The following KCNH1 variants were observed in gnomAD, a reference collection of about 807,000 sequenced individuals.
KCNH1 encodes potassium voltage-gated channel subfamily H member 1, also known as voltage-gated delayed rectifier potassium channel KCNH1.
In KCNH1, 27 loss-of-function variants were observed where a neutral mutation model predicts 69.2. The observed-to-expected ratio is 0.39, with a 90% CI of 0.29 to 0.54. The LOEUF (loss-of-function observed/expected upper bound fraction) is 0.54, where lower values mean the gene tolerates loss of function less well. Among genes scored for constraint, KCNH1 ranks in the 20% least tolerant of loss-of-function variants. The probability of loss-of-function intolerance (pLI) is 0.68; values close to 1 mark genes in which losing one functional copy is unlikely to be tolerated. For synonymous variants in KCNH1, 456 were observed against 487.7 expected (o/e 0.93, Z 0.86); for missense variants, 798 against 1,261.6 (o/e 0.63, Z 5.57).
At chr1:210,756,593 G>A (rs1162004902) in intron 10 of KCNH1, among the ~76,000 whole-genome samples, 1 of 152,154 alleles carries the variant, frequency 6.6e-6, no homozygotes, top group Non-Finnish European at 1.5e-5. Flanking sequence ...AGGCAGCTCA[G>A]GGACAGTCAG....
In KCNH1 at chr1:210,794,656, A is replaced by C. The variant is rs372078752; in HGVS notation, c.1915+2852T>G. On this transcript the variant is annotated intron_variant, in intron 9 of 10. Transcript: ENST00000271751. ...CTCTATGCCTAAGTCTAGGTGTTCA[A>C]ACCAACTCCTAGTAATGCAGCTGTG... Among the ~76,000 whole-genome samples, 5 of 152,154 alleles carry C rather than the reference A, an allele frequency of 3.3e-5. No individual in the cohort carries two copies. In the East Asian group the frequency reaches 9.6e-4, roughly 29 times the overall value.
intron 6 of KCNH1, among the ~76,000 whole-genome samples, chr1:211,008,869 A>G (rs891326608): frequency 2.0e-5 from 3 of 152,252 alleles, no homozygotes; most frequent in Non-Finnish European, 4.4e-5. Context: ...GAGATTAGCT[A>G]TAACAAAGCC....
intron 7 of KCNH1, among the ~76,000 whole-genome samples, chr1:210,847,512 T>C (rs983280209): frequency 2.8e-5 from 4 of 143,424 alleles, no homozygotes; most frequent in African/African-American, 5.2e-5. Flanking sequence ...TTCTCACTCA[T>C]AGGTGGGAAC....
intron 7 of KCNH1, among the ~76,000 whole-genome samples, chr1:210,809,682 A>C (rs1684659036): frequency 6.6e-6 from 1 of 152,148 alleles, no homozygotes; most frequent in Admixed American, 6.5e-5. Context: ...CTCTGTAGTG[A>C]GTGGTCTCTT....
At chr1:210,733,967 AC>A (rs1682808417) in intron 10 of KCNH1, among the ~76,000 whole-genome samples, 4 of 151,562 alleles carry the variant, frequency 2.6e-5, no homozygotes, top group Non-Finnish European at 4.4e-5. Context: ...ACACACACAC[AC>A]ACACACACAC....
rs1275287252 is a variant in KCNH1 at position 211,124,412 on chromosome 1, G to C, written c.79+9455C>G. Among the ~76,000 whole-genome samples, 14 of 152,138 alleles carry C rather than the reference G, an allele frequency of 9.2e-5. 1 individual carries two copies. Among genetic ancestry groups the C allele is most frequent in the Admixed American group, 3.9e-4 (6 of 15,276 alleles). ...TATAATCCCAGCACTTTGGGAGGCCGAGGCGGGCAGATCACAAGATCAGGA... is the reference window on the plus strand; with the variant it reads ...TATAATCCCAGCACTTTGGGAGGCCCAGGCGGGCAGATCACAAGATCAGGA... On this transcript the variant is annotated intron_variant, in intron 1 of 10. Coordinates refer to ENST00000271751, the MANE Select transcript of KCNH1 (RefSeq NM_172362.3).
At chr1:210,971,150 A>T (rs1431951206) in intron 6 of KCNH1, among the ~76,000 whole-genome samples, 1 of 152,026 alleles carries the variant, frequency 6.6e-6, no homozygotes, top group Non-Finnish European at 1.5e-5. Flanking sequence ...ACGAGGTCTC[A>T]TTATATTTTC....
At chr1:210,777,728 C>A (rs908224004) in intron 9 of KCNH1, among the ~76,000 whole-genome samples, 7 of 152,200 alleles carry the variant, frequency 4.6e-5, no homozygotes, top group Admixed American at 1.3e-4. Flanking sequence ...AATATCCTTC[C>A]TCCAGCACAT....
intron 6 of KCNH1, among the ~76,000 whole-genome samples, chr1:211,008,715 A>T (rs1027372234): frequency 2.6e-5 from 4 of 152,228 alleles, no homozygotes; most frequent in Non-Finnish European, 4.4e-5. Context: ...GAGAAATCCG[A>T]TGTTTTGATC....
chr1:210,894,861 A>G (rs777132776), intron 7 of KCNH1, among the ~76,000 whole-genome samples: 1 of 152,140 alleles, frequency 6.6e-6, no homozygotes, highest in Non-Finnish European at 1.5e-5. Context: ...TTCTTTTTAA[A>G]TTATCCAGTC....
chr1:210,940,197 G>A (rs138981296), intron 6 of KCNH1, among the ~76,000 whole-genome samples: 2 of 152,172 alleles, frequency 1.3e-5, no homozygotes, highest in African/African-American at 4.8e-5. Context: ...ATTCAATTCG[G>A]CAATCATTTC....
intron 6 of KCNH1, among the ~76,000 whole-genome samples, chr1:210,947,044 A>T (rs1405442294): frequency 6.6e-6 from 1 of 152,180 alleles, no homozygotes; most frequent in Non-Finnish European, 1.5e-5. Flanking sequence ...TGCTGAGGGC[A>T]GGCACCCTGT....
intron 7 of KCNH1, among the ~76,000 whole-genome samples, chr1:210,915,077 A>G (rs954379229): frequency 6.6e-6 from 1 of 152,156 alleles, no homozygotes; most frequent in East Asian, 1.9e-4. Flanking sequence ...AGCTCCCCCA[A>G]ACAGGGTCAG....
intron 10 of KCNH1, among the ~76,000 whole-genome samples, chr1:210,694,869 G>A (rs1416412883): frequency 6.6e-6 from 1 of 152,152 alleles, no homozygotes; most frequent in Non-Finnish European, 1.5e-5. Context: ...TGAGATAGTT[G>A]GTCCACATTT....
At chr1:211,009,606 T>TTTTC (rs1491178554) in intron 6 of KCNH1, among the ~76,000 whole-genome samples, 1 of 17,312 alleles carries the variant, frequency 5.8e-5, no homozygotes, top group Non-Finnish European at 9.2e-5. Flanking sequence ...TTTTCTTTTC[T>TTTTC]TTTTTTTTTT....
chr1:210,867,959 A>G (rs548127733), intron 7 of KCNH1, among the ~76,000 whole-genome samples: 1 of 151,986 alleles, frequency 6.6e-6, no homozygotes, highest in East Asian at 1.9e-4. Flanking sequence ...CATTTTAGTT[A>G]TTATGAACAC....
At chr1:211,119,445 G>A (rs918076313) in intron 1 of KCNH1, among the ~76,000 whole-genome samples, 1 of 152,064 alleles carries the variant, frequency 6.6e-6, no homozygotes, top group Non-Finnish European at 1.5e-5. Flanking sequence ...TAATGATTGA[G>A]ATAAATGATG....
intron 7 of KCNH1, among the ~76,000 whole-genome samples, chr1:210,900,627 CCTTA>C (rs1314934328): frequency 6.6e-6 from 1 of 152,112 alleles, no homozygotes; most frequent in East Asian, 1.9e-4. Context: ...CAATTAGCCA[CCTTA>C]CTAATTCTGG....
intron 9 of KCNH1, among the ~76,000 whole-genome samples, chr1:210,790,042 C>T (rs1684183049): frequency 6.6e-6 from 1 of 152,230 alleles, no homozygotes. Flanking sequence ...AGGCCTCAGC[C>T]TCCTGAGTAG....
Sources: gnomAD v4.1 joint callset for allele counts (sites outside exome capture counted in the v4.1 genomes callset) on GRCh38, gnomAD v4.1.1 for gene constraint, MANE v1.5 for transcripts, NCBI Gene and HGNC (gene_info 2026-07-23, HGNC 2026-07-21) for gene names.